NUP210L: variants seen among roughly 807,000 people sequenced by gnomAD.
NUP210L encodes the protein nucleoporin 210 like.
In NUP210L, 74 loss-of-function variants were observed where a neutral mutation model predicts 208.5. The observed-to-expected ratio is 0.35, with a 90% CI of 0.29 to 0.43. The LOEUF (loss-of-function observed/expected upper bound fraction) is 0.43. Ranked by LOEUF, NUP210L falls within the 20% of genes least tolerant of loss-of-function variation. The pLI is 1.00. For synonymous variants in NUP210L, 780 were observed against 816.9 expected (o/e 0.95, Z 0.77); for missense variants, 1,843 against 2,289.4 (o/e 0.81, Z 3.98).
chr1:154,133,113 TG>T (rs1426500916), intron 7 of NUP210L, among the ~76,000 whole-genome samples: 2 of 152,258 alleles, frequency 1.3e-5, no homozygotes, highest in Admixed American at 6.5e-5. Flanking sequence ...TTAGCTTCAC[TG>T]TCTTCCTTAC....
At chr1:154,082,700 C>T (rs926492010) in intron 16 of NUP210L, among the ~76,000 whole-genome samples, 3 of 152,198 alleles carry the variant, frequency 2.0e-5, no homozygotes, top group Admixed American at 6.5e-5. Context: ...TGACCAATTA[C>T]GGAACTGGTC....
chr1:153,999,460 G>A (rs990993123), intron 37 of NUP210L, among the ~76,000 whole-genome samples: 1 of 152,136 alleles, frequency 6.6e-6, no homozygotes. Context: ...AAGATTGGCC[G>A]GGTGCGGTGG....
At chr1:154,073,268 G>A (rs772906047) in intron 16 of NUP210L, among the ~76,000 whole-genome samples, 6 of 151,982 alleles carry the variant, frequency 3.9e-5, no homozygotes, top group Non-Finnish European at 8.8e-5. Context: ...TGTAGAGACG[G>A]GGTCTCACTG....
chr1:154,053,482 T>G (rs909597573), intron 25 of NUP210L, among the ~76,000 whole-genome samples: 2 of 152,096 alleles, frequency 1.3e-5, no homozygotes, highest in Non-Finnish European at 2.9e-5. Flanking sequence ...ATAAACAAAA[T>G]CTCTGCAGCA....
chr1:154,008,447 G>A (rs910242747), intron 35 of NUP210L, among the ~76,000 whole-genome samples: 1 of 152,074 alleles, frequency 6.6e-6, no homozygotes, highest in Non-Finnish European at 1.5e-5. Context: ...GGTGTCTAAC[G>A]CCTGTAATCC....
At chr1:153,993,259 C>A (rs1344848584) in intron 38 of NUP210L, among the ~76,000 whole-genome samples, 170 bp from the exon 39 acceptor site, 2 of 152,128 alleles carry the variant, frequency 1.3e-5, no homozygotes, top group Non-Finnish European at 1.5e-5. Context: ...GAGTTACTTT[C>A]AGCTTTTGGC....
At chr1:154,129,715 T>G (rs529536400) in intron 7 of NUP210L, among the ~76,000 whole-genome samples, 13 of 152,344 alleles carry the variant, frequency 8.5e-5, no homozygotes, top group African/African-American at 1.9e-4. Flanking sequence ...AGAGACCTTC[T>G]GGCTAAAGGG....
chr1:154,043,628 CTTTTTT>C (rs898755429), intron 27 of NUP210L, among the ~76,000 whole-genome samples: 1 of 132,022 alleles, frequency 7.6e-6, no homozygotes, highest in African/African-American at 2.8e-5. Context: ...TGCACCCGGC[CTTTTTT>C]TTTTTTTTTT....
At chr1:154,036,733 A>G (rs554318218) in intron 27 of NUP210L, among the ~76,000 whole-genome samples, 213 of 152,080 alleles carry the variant, frequency 1.4e-3, no homozygotes, top group Non-Finnish European at 2.2e-3. Context: ...GGGCACCATT[A>G]TAGCTCACTG....
At chr1:154,152,715 G>C in intron 2 of NUP210L, 21 bp downstream of exon 2, 1 of 1,608,780 alleles carries the variant, frequency 6.2e-7, no homozygotes, top group South Asian at 1.1e-5. Flanking sequence ...GTGATACATA[G>C]TGTTTTTGCT....
At chr1:154,065,892 CAAAAAAAAA>C (rs58053478) in intron 17 of NUP210L, among the ~76,000 whole-genome samples, 14 of 61,112 alleles carry the variant, frequency 2.3e-4, no homozygotes, top group Admixed American at 9.0e-4. Flanking sequence ...GACTCTGTCT[CAAAAAAAAA>C]AAAAAAAAAA....
chr1:154,075,069 G>A (rs950203702), intron 16 of NUP210L, among the ~76,000 whole-genome samples: 3 of 152,158 alleles, frequency 2.0e-5, no homozygotes, highest in African/African-American at 7.2e-5. Flanking sequence ...TCTAACGCAA[G>A]TTGTTTGAGA....
At chr1:154,001,184 ACAAT>A in intron 36 of NUP210L, 124 bp from the exon 37 acceptor site, 1 of 794,866 alleles carries the variant, frequency 1.3e-6, no homozygotes, top group Non-Finnish European at 2.0e-6. Flanking sequence ...TAGCTAGCCG[ACAAT>A]CAAATCATTT....
chr1:154,001,730 C>A lies in NUP210L; in HGVS notation c.5181+5G>T. On this transcript the variant is annotated splice_donor_5th_base_variant and intron_variant, in intron 36 of 39. Transcript: ENST00000368559. ...TGTTCTGTTTTGGTTCAGTTCTTAA[C>A]ATACCTCTAGCTTCCTAAGAACTCT... 6.2e-7 allele frequency: 1 copy of A among 1,613,942 alleles called. No homozygotes were observed. Among genetic ancestry groups the A allele is most frequent in the Non-Finnish European group, 8.5e-7 (1 of 1,179,818 alleles).
At chr1:154,145,484 T>C (rs541683234) in intron 2 of NUP210L, among the ~76,000 whole-genome samples, 1 of 152,086 alleles carries the variant, frequency 6.6e-6, no homozygotes, top group South Asian at 2.1e-4. Context: ...TACAGGTAAA[T>C]GGCCCTCAAC....
At chr1:154,105,074 C>T (rs986261681) in intron 12 of NUP210L, among the ~76,000 whole-genome samples, 3 of 152,244 alleles carry the variant, frequency 2.0e-5, no homozygotes, top group African/African-American at 4.8e-5. Flanking sequence ...GTCACAAGGC[C>T]CCCATTTCAG....
At chr1:154,137,367 A>G (rs1658601165) in intron 6 of NUP210L, among the ~76,000 whole-genome samples, 1 of 152,154 alleles carries the variant, frequency 6.6e-6, no homozygotes, top group Non-Finnish European at 1.5e-5. Context: ...CCTGGCCAGC[A>G]TGGTGAAACC....
chr1:153,996,849 T>G (rs891960148), intron 37 of NUP210L, among the ~76,000 whole-genome samples: 5 of 75,594 alleles, frequency 6.6e-5, no homozygotes, highest in Non-Finnish European at 1.5e-4. Context: ...TAGACTTGCC[T>G]TTTTTTTTTT....
At chr1:154,023,066 G>T in intron 31 of NUP210L, 56 bp downstream of exon 31, 1 of 1,441,420 alleles carries the variant, frequency 6.9e-7, no homozygotes, top group Non-Finnish European at 9.7e-7. Flanking sequence ...TATAATACTA[G>T]CCTAATATGC....
Sources: gnomAD v4.1 joint callset for allele counts (sites outside exome capture counted in the v4.1 genomes callset) on GRCh38, gnomAD v4.1.1 for gene constraint, MANE v1.5 for transcripts, NCBI Gene and HGNC (gene_info 2026-07-23, HGNC 2026-07-21) for gene names.